The following PLSCR4 variants were observed in gnomAD, a reference collection of about 807,000 sequenced individuals.
PLSCR4 encodes Ca(2+)-dependent phospholipid scramblase 4.
Under a neutral mutation model 36.3 loss-of-function variants are expected in PLSCR4, and 25 were observed. That is an observed-to-expected ratio of 0.69 (90% CI 0.50 to 0.96). The LOEUF is 0.96. PLSCR4 is among the 40% of genes least tolerant of loss of function. PLSCR4 has a pLI of 0.00. For missense variants in PLSCR4, 408 were observed against 414.7 expected, an observed-to-expected ratio of 0.98 and a Z score of 0.14; for synonymous variants, 122 against 132.9, an observed-to-expected ratio of 0.92 and a Z score of 0.56.
intron 1 of PLSCR4, among the ~76,000 whole-genome samples, chr3:146,235,140 G>T (rs1370613157): frequency 6.6e-6 from 1 of 152,180 alleles, no homozygotes; most frequent in Non-Finnish European, 1.5e-5. Flanking sequence ...TGTGGAAAAA[G>T]AAAATCCAAA....
At chr3:146,237,069 A>ATGATC (rs1385372718) in intron 1 of PLSCR4, among the ~76,000 whole-genome samples, 1 of 152,162 alleles carries the variant, frequency 6.6e-6, no homozygotes, top group African/African-American at 2.4e-5. Context: ...GAGAGAAAAC[A>ATGATC]TGATCCAACT....
At chr3:146,198,476 C>T (rs113601981) in intron 6 of PLSCR4, among the ~76,000 whole-genome samples, 10 of 152,220 alleles carry the variant, frequency 6.6e-5, no homozygotes, top group African/African-American at 2.4e-4. Flanking sequence ...TCACAGGTCA[C>T]TGCAGCCTCG....
intron 1 of PLSCR4, among the ~76,000 whole-genome samples, chr3:146,237,826 C>G (rs1258755586): frequency 6.7e-6 from 1 of 148,936 alleles, no homozygotes. Flanking sequence ...AAAACCAAAG[C>G]AAGAAAAAGG....
chr3:146,206,481 A>G, intron 4 of PLSCR4, 45 bp downstream of exon 4: 2 of 1,413,374 alleles, frequency 1.4e-6, no homozygotes, highest in Non-Finnish European at 2.0e-6. Flanking sequence ...TTGGATCCCT[A>G]TGGTCACATT....
At chr3:146,223,666 C>T (rs1344817564) in intron 1 of PLSCR4, 1 of 151,888 alleles carries the variant, frequency 6.6e-6, no homozygotes, top group African/African-American at 2.4e-5. Context: ...ATGCAGATTC[C>T]CAGCTGAAAT....
rs576360218 is a variant in PLSCR4, at chr3:146,206,771, A to T, written c.119-10T>A. 2.7e-6 allele frequency: 4 copies of T among 1,507,416 alleles called. No individual in the cohort carries two copies. Among genetic ancestry groups the T allele is most frequent in the African/African-American group, 2.8e-5 (2 of 71,986 alleles). 93.4% of individuals were successfully genotyped at this position (1,507,416 alleles called of 1,614,324 possible). On this transcript the variant is annotated splice_polypyrimidine_tract_variant and intron_variant, in intron 3 of 8. Coordinates refer to ENST00000354952, the MANE Select transcript of PLSCR4 (RefSeq NM_020353.3). ...GCTGTTCCAGGGGGTCCTGTGTTCA[A>T]AAGAAATCAAAGTGTTATATATTAT...
chr3:146,249,818 T>G (rs2036478994), intron 1 of PLSCR4, among the ~76,000 whole-genome samples: 1 of 152,164 alleles, frequency 6.6e-6, no homozygotes, highest in Non-Finnish European at 1.5e-5. Flanking sequence ...TTATGTATTT[T>G]ATTGGATTCT....
At chr3:146,199,473 T>C (rs910365474) in intron 6 of PLSCR4, among the ~76,000 whole-genome samples, 1 of 152,150 alleles carries the variant, frequency 6.6e-6, no homozygotes, top group Admixed American at 6.6e-5. Flanking sequence ...TGTTTATCTT[T>C]AGCATTGCTT....
chr3:146,222,300 G>C (rs1490627166), intron 1 of PLSCR4: 3 of 296,440 alleles, frequency 1.0e-5, no homozygotes, highest in Non-Finnish European at 1.9e-5. Flanking sequence ...GAAGCAGACA[G>C]ACACTCTGCC....
chr3:146,222,062 T>C lies in PLSCR4; in HGVS notation c.7+3A>G. The C allele has an allele frequency of 8.1e-7, 1 of 1,237,840 alleles. No homozygotes were observed. The highest frequency in any genetic ancestry group is 1.1e-6 in the Non-Finnish European group (1 of 901,622). 76.7% of individuals were successfully genotyped at this position (1,237,840 alleles called of 1,614,324 possible). A position where few individuals can be genotyped will look rare whatever the true frequency, so the allele number is the denominator to read the frequency against. On this transcript the variant is annotated splice_donor_region_variant and intron_variant, in intron 2 of 8. Coordinates refer to ENST00000354952, the MANE Select transcript of PLSCR4 (RefSeq NM_020353.3). The stretch of plus-strand genomic sequence containing the variant: ...ATATTCAAATTTATTCACAAAAACT[T>C]ACCTGACATTTTGAAGAATTCCAAT...
At chr3:146,206,282 G>A (rs1323419680) in intron 4 of PLSCR4, among the ~76,000 whole-genome samples, 6 of 151,934 alleles carry the variant, frequency 3.9e-5, no homozygotes, top group Admixed American at 2.6e-4. Flanking sequence ...AAAACATCTT[G>A]AATGCCTTGA....
chr3:146,224,784 G>A (rs754304164), intron 1 of PLSCR4, among the ~76,000 whole-genome samples: 48 of 152,008 alleles, frequency 3.2e-4, no homozygotes, highest in Non-Finnish European at 5.4e-4. Flanking sequence ...TGTTTTGACA[G>A]GGTACTGATT....
At chr3:146,198,664 CT>C (rs1291744980) in intron 6 of PLSCR4, among the ~76,000 whole-genome samples, 1 of 152,106 alleles carries the variant, frequency 6.6e-6, no homozygotes. Context: ...ACCTCAGCCT[CT>C]CAAAGTGTTG....
rs576765120 is a variant in PLSCR4 at position 146,201,760 on chromosome 3, G to T, written c.355-683C>A. On this transcript the variant is annotated intron_variant, in intron 4 of 8. Transcript: ENST00000354952. ...GGCAACCCATGAAAAGGACGGCTGG[G>T]TATATACCATTAGAGAAATTTCTAT... Among the ~76,000 whole-genome samples the T allele has an allele frequency of 5.3e-5, 8 of 152,134 alleles. No homozygotes were observed. In the East Asian group the frequency reaches 1.6e-3, roughly 30 times the overall value.
At chr3:146,249,891 A>C (rs897396769) in intron 1 of PLSCR4, among the ~76,000 whole-genome samples, 1 of 152,098 alleles carries the variant, frequency 6.6e-6, no homozygotes, top group Non-Finnish European at 1.5e-5. Flanking sequence ...TTCATGCCAA[A>C]CTGAATTTTA....
chr3:146,227,185 C>T (rs2035514738), intron 1 of PLSCR4, among the ~76,000 whole-genome samples: 1 of 152,128 alleles, frequency 6.6e-6, no homozygotes, highest in East Asian at 1.9e-4. Flanking sequence ...CTGTCAGAAA[C>T]CAGACTGGAA....
chr3:146,218,262 T>C (rs1222684460), intron 3 of PLSCR4, among the ~76,000 whole-genome samples: 1 of 152,102 alleles, frequency 6.6e-6, no homozygotes, highest in Non-Finnish European at 1.5e-5. Flanking sequence ...AAATCAGATA[T>C]CCATACCTTC....
chr3:146,250,936 G>C (rs911436362), intron 1 of PLSCR4, 24 bp downstream of exon 1: 1 of 152,500 alleles, frequency 6.6e-6, no homozygotes, highest in African/African-American at 2.4e-5. Flanking sequence ...CCTGCTCTGC[G>C]CCCGCCTGTC....
At position 146,193,273 on chromosome 3, in the gene PLSCR4, C is replaced by A. The variant is rs1398244725; in HGVS notation, c.*1138G>T. ...TTATTATTATTACTCTGTGTAGATA[C>A]ATATTTATCTATCATGTCAATAAAA... On this transcript the variant is annotated 3_prime_UTR_variant, in exon 9 of 9. Transcript: ENST00000354952. 1 of 151,304 alleles carries A rather than the reference C, an allele frequency of 6.6e-6. No individual in the cohort carries two copies. Among genetic ancestry groups the A allele is most frequent in the Non-Finnish European group, 1.5e-5 (1 of 67,770 alleles). 9.4% of individuals were successfully genotyped at this position (151,304 alleles called of 1,614,324 possible).
Sources: gnomAD v4.1 joint callset for allele counts (sites outside exome capture counted in the v4.1 genomes callset) on GRCh38, gnomAD v4.1.1 for gene constraint, MANE v1.5 for transcripts, NCBI Gene and HGNC (gene_info 2026-07-23, HGNC 2026-07-21) for gene names.